Variants in SBNO2 observed in about 807,000 individuals in gnomAD.
SBNO2 encodes the protein strawberry notch homolog 2.
SBNO2 carries 89 observed loss-of-function variants against 146.3 expected under a neutral mutation model. That is an observed-to-expected ratio of 0.61 (90% confidence interval 0.51 to 0.73). The LOEUF (loss-of-function observed/expected upper bound fraction) is 0.73. Ranked by LOEUF, SBNO2 falls within the 30% of genes least tolerant of loss-of-function variation. The pLI is 0.00. For synonymous variants in SBNO2, 1,147 were observed against 892.6 expected, an observed-to-expected ratio of 1.29 and a Z score of -5.08; for missense variants, 2,092 against 2,003.7, an observed-to-expected ratio of 1.04 and a Z score of -0.84.
At chr19:1,152,884 G>A (rs1024465041) in intron 2 of SBNO2, among the ~76,000 whole-genome samples, 3 of 152,198 alleles carry the variant, frequency 2.0e-5, no homozygotes, top group Non-Finnish European at 2.9e-5. Context: ...CGGGCGCGGT[G>A]GCTCACGCCT....
At chr19:1,142,172 T>TCCTTCCCCAAGATCAA (rs1396346315) in intron 4 of SBNO2, among the ~76,000 whole-genome samples, 6 of 130,762 alleles carry the variant, frequency 4.6e-5, no homozygotes, top group African/African-American at 1.5e-4. Flanking sequence ...CTCAATGACC[T>TCCTTCCCCAAGATCAA]CCCTCCCCAT....
Position 1,108,414 on chromosome 19 carries a change from G to A in SBNO2, c.3907C>T (p.Leu1303Phe). 1.6e-6 allele frequency: 2 copies of A among 1,272,930 alleles called. No homozygotes were observed. Among genetic ancestry groups the A allele is most frequent in the Non-Finnish European group, 2.0e-6 (2 of 1,004,374 alleles). 78.9% of individuals were successfully genotyped at this position (1,272,930 alleles called of 1,614,324 possible). A position where few individuals can be genotyped will look rare whatever the true frequency, so the allele number is the denominator to read the frequency against. The change falls in exon 32 of 32, where the codon CTC (leucine) becomes TTC (phenylalanine). Residue 1303 changes from leucine (L) to phenylalanine (F), a missense_variant. Leu to Phe is a conservative substitution (Grantham distance 22). Transcript: ENST00000361757. ...TPDAQADPAA[L>F]AHQGCDINFK... ...TTGATGTCGCAGCCCTGGTGCGCGA[G>A]GGCCGCAGGGTCGGCCTGGGCGTCG...
Position 1,109,227 on chromosome 19 carries a change from C to T in SBNO2, c.3349-16G>A, listed in dbSNP as rs181011896. On this transcript the variant is annotated splice_polypyrimidine_tract_variant and intron_variant, in intron 29 of 31. Coordinates refer to ENST00000361757, the MANE Select transcript of SBNO2 (RefSeq NM_014963.3). This position sits in a 1 kb window ranked among gnomAD's most constrained non-coding sequence, Gnocchi z 4.2. ...CCGCGGTGACCTAGGGACACAGGGC[C>T]GCATGAGCCTGGGCGGGGTCAGGGC... 6 of 1,569,892 alleles carry T rather than the reference C, an allele frequency of 3.8e-6. No homozygotes were observed. Among genetic ancestry groups the T allele is most frequent in the African/African-American group, 1.4e-5 (1 of 74,006 alleles).
rs2080302860 is a variant in SBNO2 at position 1,157,480 on chromosome 19, C to G, written c.-126-3078G>C. Among the ~76,000 whole-genome samples the G allele has an allele frequency of 6.6e-6, 1 of 150,904 alleles. No individual in the cohort carries two copies. Among genetic ancestry groups the G allele is most frequent in the African/African-American group, 2.4e-5 (1 of 41,182 alleles). On this transcript the variant is annotated intron_variant, in intron 1 of 31. Transcript: ENST00000361757. The surrounding 1 kb of genome is among the most constrained non-coding windows in gnomAD (Gnocchi z 6.8). ...CCGAGCCTCAGAGCCACGGGCCAGC[C>G]AAACGTCCAGCGGGCAGCAGAGCGT...
At chr19:1,162,231 G>A (rs1244870899) in intron 1 of SBNO2, among the ~76,000 whole-genome samples, 6 of 136,892 alleles carry the variant, frequency 4.4e-5, no homozygotes, top group African/African-American at 8.3e-5. Flanking sequence ...AGGCCAAGGC[G>A]GGTGGATCAC....
chr19:1,132,631 G>A (rs1041792870), intron 4 of SBNO2, among the ~76,000 whole-genome samples: 1 of 152,166 alleles, frequency 6.6e-6, no homozygotes, highest in Admixed American at 6.5e-5. Context: ...AGCACCCCAC[G>A]CATGCCAAGC....
At chr19:1,134,459 C>T (rs1317631776) in intron 4 of SBNO2, among the ~76,000 whole-genome samples, 1 of 144,292 alleles carries the variant, frequency 6.9e-6, no homozygotes, top group Middle Eastern at 3.2e-3. Flanking sequence ...CACGACCCAG[C>T]CATGAAAAGG....
In SBNO2 at chr19:1,112,571, T is replaced by A. The variant is rs1212155035; in HGVS notation, c.2380-34A>T. 6.4e-7 allele frequency: 1 copy of A among 1,564,880 alleles called. No homozygotes were observed. The highest frequency in any genetic ancestry group is 2.3e-5 in the East Asian group (1 of 43,336). On this transcript the variant is annotated intron_variant, in intron 20 of 31. Coordinates refer to ENST00000361757, the MANE Select transcript of SBNO2 (RefSeq NM_014963.3). The surrounding 1 kb of genome is among the most constrained non-coding windows in gnomAD (Gnocchi z 5.9). Reference sequence around the variant, plus strand: ...AAAGAAGGGGCCGGGACACGGTTGGTGCAAGGCCCGCCCCAGCGTTGCCGC... The same window carrying A: ...AAAGAAGGGGCCGGGACACGGTTGGAGCAAGGCCCGCCCCAGCGTTGCCGC...
chr19:1,117,604 G>T, intron 14 of SBNO2, 105 bp from the exon 15 acceptor site: 1 of 1,202,712 alleles, frequency 8.3e-7, no homozygotes, highest in Non-Finnish European at 1.1e-6. Context: ...CCCACGCCAG[G>T]TGGAATTTAG....
At chr19:1,120,526 C>T (rs902937219) in intron 11 of SBNO2, among the ~76,000 whole-genome samples, 2 of 152,136 alleles carry the variant, frequency 1.3e-5, no homozygotes, top group Non-Finnish European at 2.9e-5. Flanking sequence ...GCCACCACCA[C>T]AACCGGCTAA....
chr19:1,125,693 A>T (rs1469489245), intron 5 of SBNO2, among the ~76,000 whole-genome samples: 1 of 149,162 alleles, frequency 6.7e-6, no homozygotes, highest in African/African-American at 2.5e-5. Flanking sequence ...GAAAAAAAAA[A>T]GTGTGAAGAA....
chr19:1,127,312 T>C (rs950672147), intron 5 of SBNO2, among the ~76,000 whole-genome samples: 2 of 152,120 alleles, frequency 1.3e-5, no homozygotes, highest in African/African-American at 4.8e-5. Flanking sequence ...GGGGCCATAA[T>C]GGGCACTGCA....
chr19:1,109,342 G>A lies in SBNO2; in HGVS notation c.3298C>T (p.Arg1100Trp). The A allele has an allele frequency of 6.3e-7, 1 of 1,593,850 alleles. No homozygotes were observed. ...FFTVYKPNIG[R>W]QSQLEALDSL... The stretch of plus-strand genomic sequence containing the variant: ...TCCAGGGCCTCCAGCTGGCTCTGCC[G>A]GCCGATGTTGGGCTTGTACACCGTG... The change falls in exon 29 of 32, where the codon CGG (arginine) becomes TGG (tryptophan). Residue 1100 changes from arginine to tryptophan, a missense_variant. Arg to Trp is a moderately radical substitution (Grantham distance 101). Transcript: ENST00000361757. This position sits in a 1 kb window ranked among gnomAD's most constrained non-coding sequence, Gnocchi z 4.2.
chr19:1,122,135 A>G lies in SBNO2; in HGVS notation c.1149+4T>C. On this transcript the variant is annotated splice_donor_region_variant and intron_variant, in intron 11 of 31. Transcript: ENST00000361757. The stretch of plus-strand genomic sequence containing the variant: ...TCCCCTCCCGATTGCCCCCAGCAGG[A>G]TACGACGCCCTCGAAGGCCTCCCCA... The G allele has an allele frequency of 7.1e-7, 1 of 1,413,812 alleles. No individual in the cohort carries two copies. Among genetic ancestry groups the G allele is most frequent in the Non-Finnish European group, 9.3e-7 (1 of 1,076,562 alleles). The allele number at this position is 1,413,812 out of a possible 1,614,324, so 87.6% of individuals were successfully genotyped here. A position where few individuals can be genotyped will look rare whatever the true frequency, so the allele number is the denominator to read the frequency against.
rs750933473 is a variant in SBNO2 at position 1,157,925 on chromosome 19, G to GCT, written c.-126-3525_-126-3524dup. ...AGTCCGGATAACTGTCCGCCTCCCA[G>GCT]CTCTCTCCTGAGTCCGGATAACTGT... On this transcript the variant is annotated intron_variant, in intron 1 of 31. Transcript: ENST00000361757. This position sits in a 1 kb window ranked among gnomAD's most constrained non-coding sequence, Gnocchi z 6.8. Among the ~76,000 whole-genome samples, 1 of 145,882 alleles carries GCT rather than the reference G, an allele frequency of 6.9e-6. No individual in the cohort carries two copies. Among genetic ancestry groups the GCT allele is most frequent in the Non-Finnish European group, 1.5e-5 (1 of 66,522 alleles).
Position 1,140,099 on chromosome 19 carries a change from A to G in SBNO2, c.279+7210T>C, listed in dbSNP as rs1016937119. 6.6e-6 allele frequency among the ~76,000 whole-genome samples: 1 copy of G among 152,090 alleles called. No individual in the cohort carries two copies. Among genetic ancestry groups the G allele is most frequent in the African/African-American group, 2.4e-5 (1 of 41,428 alleles). ...TGGATCACAAGGTCAGGAGATTGAG[A>G]CCAGCCTGGCTAACACGGTGAAACC... On this transcript the variant is annotated intron_variant, in intron 4 of 31. Transcript: ENST00000361757. The surrounding 1 kb of genome is among the most constrained non-coding windows in gnomAD (Gnocchi z 4.4).
chr19:1,172,971 C>T (rs1280324901), intron 1 of SBNO2, among the ~76,000 whole-genome samples: 1 of 149,060 alleles, frequency 6.7e-6, no homozygotes, highest in Non-Finnish European at 1.5e-5. Flanking sequence ...AGGGGAGGCC[C>T]CGGCTACACA....
intron 2 of SBNO2, 66 bp downstream of exon 2, chr19:1,154,118 G>A: frequency 5.3e-6 from 4 of 759,830 alleles, no homozygotes; most frequent in Non-Finnish European, 7.2e-6. Context: ...GTGACCCCGG[G>A]CACTCGGAGC....
At chr19:1,124,729 C>G (rs1032539024) in intron 5 of SBNO2, among the ~76,000 whole-genome samples, 5 of 152,212 alleles carry the variant, frequency 3.3e-5, no homozygotes, top group African/African-American at 1.2e-4. Flanking sequence ...CTGCCCGGAG[C>G]CTCATGCAGA....
Sources: allele counts gnomAD v4.1 joint callset (sites outside exome capture counted in the v4.1 genomes callset), GRCh38; gene constraint gnomAD v4.1.1; non-coding constraint Gnocchi (gnomAD v3.1); transcripts MANE v1.5; gene names NCBI Gene and HGNC (gene_info 2026-07-23, HGNC 2026-07-21).